Variants in SGPP2 observed in about 807,000 individuals in gnomAD.
The protein encoded by SGPP2 is sphingosine-1-phosphate phosphatase 2, also known as sphingosine 1-phosphate phosphohydrolase 2.
A neutral mutation model predicts 33.9 loss-of-function variants in SGPP2; 30 were observed. That is an observed-to-expected ratio of 0.89 (90% confidence interval 0.66 to 1.20). The LOEUF is 1.20. Ranked by LOEUF, SGPP2 falls within the 50% of genes most tolerant of loss-of-function variation. The pLI is 0.00. For missense variants in SGPP2, 458 were observed against 532.1 expected (o/e 0.86, Z 1.37); for synonymous variants, 233 against 225.0 (o/e 1.04, Z -0.32).
intron 2 of SGPP2, among the ~76,000 whole-genome samples, chr2:222,518,793 C>T (rs1421254538): frequency 6.6e-6 from 1 of 152,158 alleles, no homozygotes; most frequent in Admixed American, 6.5e-5. Flanking sequence ...GGCTTTATAG[C>T]CTGTGGATTT....
chr2:222,538,867 GC>G (rs1008039291), intron 4 of SGPP2, among the ~76,000 whole-genome samples: 2 of 152,058 alleles, frequency 1.3e-5, no homozygotes, highest in Non-Finnish European at 2.9e-5. Flanking sequence ...TGAAGGATCC[GC>G]CCCCATGATC....
At chr2:222,554,202 G>A (rs1424332218) in intron 4 of SGPP2, among the ~76,000 whole-genome samples, 1 of 152,232 alleles carries the variant, frequency 6.6e-6, no homozygotes, top group Non-Finnish European at 1.5e-5. Flanking sequence ...GCACCTCTGT[G>A]TATTCAAGTT....
chr2:222,425,994 T>C (rs1697063563), intron 1 of SGPP2, among the ~76,000 whole-genome samples: 1 of 151,996 alleles, frequency 6.6e-6, no homozygotes, highest in Admixed American at 6.6e-5. Flanking sequence ...TCCGGTAACC[T>C]ATAGATGAGT....
intron 4 of SGPP2, among the ~76,000 whole-genome samples, chr2:222,557,051 G>A (rs1208538793): frequency 6.6e-6 from 1 of 152,058 alleles, no homozygotes; most frequent in African/African-American, 2.4e-5. Context: ...GCTACTTCAG[G>A]GCCTCAGGCT....
At chr2:222,468,325 A>G (rs1574846113) in intron 1 of SGPP2, among the ~76,000 whole-genome samples, 2 of 151,962 alleles carry the variant, frequency 1.3e-5, no homozygotes, top group East Asian at 3.9e-4. Context: ...TCAATCTTAT[A>G]TCATTTTATA....
chr2:222,470,263 C>T (rs986866156), intron 1 of SGPP2, among the ~76,000 whole-genome samples: 4 of 152,124 alleles, frequency 2.6e-5, no homozygotes, highest in Non-Finnish European at 5.9e-5. Context: ...GCACATGTAT[C>T]TCAGAATTTA....
At chr2:222,474,863 C>A (rs735678) in intron 2 of SGPP2, 137 bp downstream of exon 2, 267,454 of 742,972 alleles carry the variant, frequency 0.36, 51,421 homozygotes, top group African/African-American at 0.51. Context: ...TGCCTAATTT[C>A]CTTTGGAAAA....
chr2:222,445,582 G>A (rs1697386386), intron 1 of SGPP2, among the ~76,000 whole-genome samples: 1 of 152,102 alleles, frequency 6.6e-6, no homozygotes, highest in Non-Finnish European at 1.5e-5. Flanking sequence ...GCTACCCTTG[G>A]GACTAGGATG....
intron 4 of SGPP2, among the ~76,000 whole-genome samples, chr2:222,544,213 A>G (rs1377396297): frequency 6.6e-6 from 1 of 152,226 alleles, no homozygotes; most frequent in Non-Finnish European, 1.5e-5. Flanking sequence ...GTAGCTGTTA[A>G]AAGGCTGAAC....
intron 2 of SGPP2, among the ~76,000 whole-genome samples, chr2:222,509,127 G>T (rs779326491): frequency 1.5e-4 from 22 of 150,962 alleles, no homozygotes; most frequent in Non-Finnish European, 3.0e-4. Flanking sequence ...TGTATTCCAA[G>T]GAGAAAAAAA....
intron 4 of SGPP2, among the ~76,000 whole-genome samples, chr2:222,552,626 C>T (rs1394143891): frequency 2.6e-5 from 4 of 152,076 alleles, no homozygotes; most frequent in Admixed American, 6.6e-5. Flanking sequence ...TTTGGGAGGC[C>T]GAGGTGGGCG....
At chr2:222,451,101 A>C (rs1186810872) in intron 1 of SGPP2, among the ~76,000 whole-genome samples, 1 of 151,170 alleles carries the variant, frequency 6.6e-6, no homozygotes, top group Non-Finnish European at 1.5e-5. Context: ...CTTTGCTTTT[A>C]ATGAAAAGTA....
At chr2:222,521,254 G>A (rs566358978) in intron 2 of SGPP2, among the ~76,000 whole-genome samples, 1 of 152,346 alleles carries the variant, frequency 6.6e-6, no homozygotes, top group East Asian at 1.9e-4. Flanking sequence ...CCTGGTTTGA[G>A]TATTAGGTTA....
intron 1 of SGPP2, among the ~76,000 whole-genome samples, chr2:222,468,145 A>G (rs1476405013): frequency 6.6e-6 from 1 of 151,882 alleles, no homozygotes; most frequent in African/African-American, 2.4e-5. Flanking sequence ...GAGGTCCATG[A>G]TTTTCAGATT....
At chr2:222,501,839 A>G (rs1698372107) in intron 2 of SGPP2, among the ~76,000 whole-genome samples, 1 of 152,248 alleles carries the variant, frequency 6.6e-6, no homozygotes, top group Admixed American at 6.5e-5. Flanking sequence ...CAAATAGTCT[A>G]CAGAGTTGTT....
intron 2 of SGPP2, among the ~76,000 whole-genome samples, chr2:222,492,062 G>T (rs1470871607): frequency 6.6e-6 from 1 of 152,134 alleles, no homozygotes; most frequent in Non-Finnish European, 1.5e-5. Flanking sequence ...CGCTCCCACA[G>T]CCTTGGGCAG....
Position 222,561,372 on chromosome 2 carries a change from C to T in SGPP2, c.*2474C>T, listed in dbSNP as rs941251406. ...TCCACACAGCTGCCCAGCCAGAGTT[C>T]GCAACACTGGATATTTACACCAAAT... On this transcript the variant is annotated 3_prime_UTR_variant, in exon 5 of 5. Coordinates refer to ENST00000321276, the MANE Select transcript of SGPP2 (RefSeq NM_152386.4). Among the ~76,000 whole-genome samples the T allele has an allele frequency of 1.3e-5, 2 of 152,038 alleles. No homozygotes were observed. Among genetic ancestry groups the T allele is most frequent in the Non-Finnish European group, 2.9e-5 (2 of 68,022 alleles).
At chr2:222,507,292 T>A (rs958475344) in intron 2 of SGPP2, among the ~76,000 whole-genome samples, 2 of 152,154 alleles carry the variant, frequency 1.3e-5, no homozygotes, top group Non-Finnish European at 2.9e-5. Context: ...AAAGAGTCTT[T>A]GGTTAGTAAT....
chr2:222,520,795 C>T (rs1327717945), intron 2 of SGPP2, among the ~76,000 whole-genome samples: 1 of 151,596 alleles, frequency 6.6e-6, no homozygotes, highest in Non-Finnish European at 1.5e-5. Flanking sequence ...GCTCTGTTGC[C>T]CAGGCTGCAG....
Sources: allele counts gnomAD v4.1 joint callset (sites outside exome capture counted in the v4.1 genomes callset), GRCh38; gene constraint gnomAD v4.1.1; transcripts MANE v1.5; gene names NCBI Gene and HGNC (gene_info 2026-07-23, HGNC 2026-07-21).